MAPKAP1: variants seen among roughly 807,000 people sequenced by gnomAD.
MAPKAP1 encodes the protein MAPK associated protein 1, also known as target of rapamycin complex 2 subunit MAPKAP1.
Under a neutral mutation model 65.7 loss-of-function variants are expected in MAPKAP1, and 20 were observed. That is an observed-to-expected ratio of 0.30 (90% CI 0.21 to 0.44). MAPKAP1 has a LOEUF of 0.44. MAPKAP1 is among the 20% of genes least tolerant of loss of function. The probability of loss-of-function intolerance (pLI) is 1.00; values close to 1 mark genes in which losing one functional copy is unlikely to be tolerated. For missense variants in MAPKAP1, 423 were observed against 648.0 expected (o/e 0.65, Z 3.77); for synonymous variants, 222 against 244.3 (o/e 0.91, Z 0.85).
At position 125,503,880 on chromosome 9, in the gene MAPKAP1, C is replaced by CTTTTTTTTTTTTTT. The variant is rs35867576; in HGVS notation, c.1066+2416_1066+2429dup. Among the ~76,000 whole-genome samples, 90 of 66,240 alleles carry CTTTTTTTTTTTTTT rather than the reference C, an allele frequency of 1.4e-3. 8 individuals are homozygous for CTTTTTTTTTTTTTT. Among genetic ancestry groups the CTTTTTTTTTTTTTT allele is most frequent in the African/African-American group, 4.7e-3 (59 of 12,590 alleles). 43.5% of individuals were successfully genotyped at this position (66,240 alleles called of 152,430 possible). On this transcript the variant is annotated intron_variant, in intron 8 of 11. Coordinates refer to ENST00000265960, the MANE Select transcript of MAPKAP1 (RefSeq NM_001006617.3). The stretch of plus-strand genomic sequence containing the variant: ...TATAGGCACCCGCCACCACGCTTGG[C>CTTTTTTTTTTTTTT]TTTTTTTTTTTTTTTTTTTTTTTTT...
intron 4 of MAPKAP1, among the ~76,000 whole-genome samples, chr9:125,657,334 T>TAC (rs1235147540): frequency 2.0e-5 from 3 of 151,884 alleles, no homozygotes; most frequent in South Asian, 2.1e-4. Context: ...TACATATATA[T>TAC]ACACACACAT....
At chr9:125,499,784 A>C (rs1234662587) in intron 8 of MAPKAP1, among the ~76,000 whole-genome samples, 1 of 152,104 alleles carries the variant, frequency 6.6e-6, no homozygotes, top group East Asian at 1.9e-4. Flanking sequence ...GGCAGAAGCA[A>C]GCCTGGGCAA....
chr9:125,662,381 CA>C (rs1484843664), intron 3 of MAPKAP1, among the ~76,000 whole-genome samples: 1 of 152,002 alleles, frequency 6.6e-6, no homozygotes, highest in Non-Finnish European at 1.5e-5. Context: ...GACCCTGTTT[CA>C]AAACAAAAAT....
chr9:125,543,090 C>T lies in MAPKAP1; in HGVS notation c.927G>A (p.Val309=), dbSNP rs770752264. 3 of 1,613,878 alleles carry T rather than the reference C, an allele frequency of 1.9e-6. No individual in the cohort carries two copies. In the South Asian group the frequency reaches 3.3e-5, roughly 18 times the overall value. The change falls in exon 7 of 12, where the codon GTG becomes GTA. Residue 309 remains valine (V), a synonymous_variant. Transcript: ENST00000265960. The part of the protein sequence containing the change: ...VTMKEILLKA[V]KRRKGSQKVS... ...CTTTCTGGGATCCTTTTCTTCGCTT[C>T]ACTGCCTTCAGTAAGATTTCCTTCA...
chr9:125,637,876 G>A lies in MAPKAP1; in HGVS notation c.498+19775C>T, dbSNP rs550786757. ...CAGCCTATGCCTCCCAGGTTCAAAC[G>A]ATTCTACTGCCTCAGCCTCCCAAGT... On this transcript the variant is annotated intron_variant, in intron 4 of 11. Coordinates refer to ENST00000265960, the MANE Select transcript of MAPKAP1 (RefSeq NM_001006617.3). Among the ~76,000 whole-genome samples, 11 of 152,250 alleles carry A rather than the reference G, an allele frequency of 7.2e-5. No homozygotes were observed. In the South Asian group the frequency reaches 1.2e-3, roughly 17 times the overall value.
chr9:125,536,347 G>A (rs887755492), intron 7 of MAPKAP1, among the ~76,000 whole-genome samples: 4 of 152,292 alleles, frequency 2.6e-5, no homozygotes, highest in Middle Eastern at 3.4e-3. Context: ...TATTGAAGTC[G>A]GAGCTCCTTG....
At chr9:125,641,354 G>GT (rs1310288569) in intron 4 of MAPKAP1, among the ~76,000 whole-genome samples, 1 of 152,138 alleles carries the variant, frequency 6.6e-6, no homozygotes, top group Non-Finnish European at 1.5e-5. Context: ...AAGATGTCAA[G>GT]TATGAGTACT....
At chr9:125,705,896 TG>T (rs1329603050) in intron 1 of MAPKAP1, among the ~76,000 whole-genome samples, 1 of 151,946 alleles carries the variant, frequency 6.6e-6, no homozygotes, top group East Asian at 1.9e-4. Context: ...TGGATCAGGA[TG>T]GGGTAATTAA....
intron 8 of MAPKAP1, among the ~76,000 whole-genome samples, chr9:125,484,805 G>A (rs919707818): frequency 1.3e-5 from 2 of 152,096 alleles, no homozygotes; most frequent in Non-Finnish European, 2.9e-5. Context: ...TCCTTGGCTG[G>A]GCAGCAGGGA....
In MAPKAP1 at chr9:125,623,321, G is replaced by A. The variant is rs1449066395; in HGVS notation, c.498+34330C>T. On this transcript the variant is annotated intron_variant, in intron 4 of 11. Coordinates refer to ENST00000265960, the MANE Select transcript of MAPKAP1 (RefSeq NM_001006617.3). ...AGTCTGGAAAGTGAGGAGCGTCTCCGCCCGGCCACCATCCCATCTAGGAAG... is the reference window on the plus strand; with the variant it reads ...AGTCTGGAAAGTGAGGAGCGTCTCCACCCGGCCACCATCCCATCTAGGAAG... Among the ~76,000 whole-genome samples the A allele has an allele frequency of 4.3e-5, 3 of 69,526 alleles. 1 individual carries two copies. Among genetic ancestry groups the A allele is most frequent in the Non-Finnish European group, 8.9e-5 (3 of 33,884 alleles). 45.6% of individuals were successfully genotyped at this position (69,526 alleles called of 152,430 possible). A position where few individuals can be genotyped will look rare whatever the true frequency, so the allele number is the denominator to read the frequency against.
chr9:125,588,379 A>C (rs1351748801), intron 4 of MAPKAP1, among the ~76,000 whole-genome samples: 1 of 152,182 alleles, frequency 6.6e-6, no homozygotes, highest in Non-Finnish European at 1.5e-5. Flanking sequence ...AAAGTAGATT[A>C]GCGGTTGGCA....
chr9:125,598,218 T>C (rs1832197650), intron 4 of MAPKAP1, among the ~76,000 whole-genome samples: 1 of 152,188 alleles, frequency 6.6e-6, no homozygotes, highest in Non-Finnish European at 1.5e-5. Flanking sequence ...TAAAATTCTA[T>C]GACAAATCCA....
intron 8 of MAPKAP1, among the ~76,000 whole-genome samples, chr9:125,494,371 T>C (rs1432793497): frequency 1.3e-5 from 2 of 152,208 alleles, no homozygotes; most frequent in Non-Finnish European, 2.9e-5. Context: ...CAGTAGGATA[T>C]ACCCTTCACT....
rs1487138685 is a variant in MAPKAP1, at chr9:125,693,828, C to T, written c.-70+13143G>A. 9.2e-5 allele frequency among the ~76,000 whole-genome samples: 10 copies of T among 109,080 alleles called. 1 individual carries two copies. The highest frequency in any genetic ancestry group is 3.5e-4 in the African/African-American group (10 of 28,502). 71.6% of individuals were successfully genotyped at this position (109,080 alleles called of 152,430 possible). Reference sequence around the variant, plus strand: ...ATATACACACACATATACACACACACACATATATATACACACATACACACA... The same window carrying T: ...ATATACACACACATATACACACACATACATATATATACACACATACACACA... On this transcript the variant is annotated intron_variant, in intron 1 of 11. Transcript: ENST00000265960.
intron 7 of MAPKAP1, chr9:125,521,435 G>A: frequency 1.8e-6 from 2 of 1,108,132 alleles, no homozygotes; most frequent in Non-Finnish European, 2.2e-6. Flanking sequence ...TTTACATACA[G>A]TTATCTGTTG....
intron 8 of MAPKAP1, among the ~76,000 whole-genome samples, chr9:125,502,159 T>C (rs1340804286): frequency 6.6e-6 from 1 of 151,970 alleles, no homozygotes; most frequent in Non-Finnish European, 1.5e-5. Context: ...TGGAGTGTAG[T>C]GGCATGATCT....
chr9:125,537,657 A>AT (rs1830111251), intron 7 of MAPKAP1, among the ~76,000 whole-genome samples: 1 of 152,068 alleles, frequency 6.6e-6, no homozygotes, highest in Admixed American at 6.6e-5. Context: ...AATTTTTTAA[A>AT]TTTTTTGTGG....
At chr9:125,663,128 A>C (rs1834236740) in intron 3 of MAPKAP1, among the ~76,000 whole-genome samples, 1 of 152,148 alleles carries the variant, frequency 6.6e-6, no homozygotes, top group African/African-American at 2.4e-5. Context: ...CACTACTCTG[A>C]TCAAATCACC....
chr9:125,706,063 G>T (rs1015669496), intron 1 of MAPKAP1, among the ~76,000 whole-genome samples: 1 of 152,142 alleles, frequency 6.6e-6, no homozygotes, highest in Non-Finnish European at 1.5e-5. Flanking sequence ...CCCAAATCCC[G>T]CAGGTGTGTA....
Sources: gnomAD v4.1 joint callset for allele counts (sites outside exome capture counted in the v4.1 genomes callset) on GRCh38, gnomAD v4.1.1 for gene constraint, MANE v1.5 for transcripts, NCBI Gene and HGNC (gene_info 2026-07-23, HGNC 2026-07-21) for gene names.